Variants in BUD13 observed in about 807,000 individuals in gnomAD.
BUD13 encodes BUD13 spliceosome associated protein.
In BUD13, 47 loss-of-function variants were observed where a neutral mutation model predicts 62.5. The ratio of observed to expected loss-of-function variants is 0.75; its 90% CI spans 0.60 to 0.96. BUD13 has a LOEUF of 0.96. BUD13 is among the 40% of genes least tolerant of loss of function. BUD13 has a pLI of 0.00. For synonymous variants in BUD13, 293 were observed against 280.1 expected (o/e 1.05, Z -0.46); for missense variants, 821 against 790.9 (o/e 1.04, Z -0.46).
chr11:116,770,470 G>A (rs961386489), intron 1 of BUD13, among the ~76,000 whole-genome samples: 29 of 151,726 alleles, frequency 1.9e-4, no homozygotes, highest in Non-Finnish European at 4.1e-4. Context: ...CCTTCCCTCT[G>A]CCTGATCTAC....
At position 116,760,749 on chromosome 11, in the gene BUD13, G is replaced by A; in HGVS notation, c.1240C>T (p.Pro414Ser). ...SDLSPPRRSQ[P>S]PGKKAAHMYS... ...AAAATCCTGACCTTCTTTCCAGGAG[G>A]CTGACTCCTTCGAGGCGGGGACAGG... is the stretch of plus-strand genomic sequence containing the variant. The change falls in exon 5 of 10, where the codon CCT (proline) becomes TCT (serine). Residue 414 changes from proline (P) to serine (S), a missense_variant. This residue lies in a region of BUD13 where 800 missense variants were observed against 739.2 expected (regional missense o/e 1.08). Transcript: ENST00000260210. The A allele has an allele frequency of 1.2e-6, 2 of 1,614,128 alleles. No individual in the cohort carries two copies. Among genetic ancestry groups the A allele is most frequent in the Non-Finnish European group, 1.7e-6 (2 of 1,179,998 alleles).
chr11:116,756,003 T>G (rs1286747779), intron 9 of BUD13, among the ~76,000 whole-genome samples: 1 of 152,048 alleles, frequency 6.6e-6, no homozygotes, highest in Non-Finnish European at 1.5e-5. Context: ...AGCCCAAGAA[T>G]TCAAGACCAG....
chr11:116,748,803 T>C (rs1010683234), intron 9 of BUD13, among the ~76,000 whole-genome samples: 5 of 152,034 alleles, frequency 3.3e-5, no homozygotes, highest in South Asian at 2.1e-4. Context: ...CTGCCTAATA[T>C]GGTGAAACCC....
chr11:116,748,892 G>C (rs1335305698), intron 9 of BUD13, among the ~76,000 whole-genome samples: 1 of 149,848 alleles, frequency 6.7e-6, no homozygotes, highest in Admixed American at 6.7e-5. Context: ...GGCTGACGCA[G>C]GAGAATCGCT....
intron 9 of BUD13, among the ~76,000 whole-genome samples, chr11:116,749,528 C>G (rs1056296174): frequency 4.6e-5 from 7 of 152,034 alleles, no homozygotes; most frequent in Admixed American, 3.9e-4. Flanking sequence ...CATTTCAGAA[C>G]AGAATGAGCA....
At chr11:116,756,700 T>C (rs1940332356) in intron 9 of BUD13, among the ~76,000 whole-genome samples, 1 of 152,106 alleles carries the variant, frequency 6.6e-6, no homozygotes, top group Non-Finnish European at 1.5e-5. Context: ...GGTACAGATG[T>C]TGGTAGGTAG....
chr11:116,757,097 T>C lies in BUD13; in HGVS notation c.1766+49A>G, dbSNP rs753094676. Reference sequence around the variant, plus strand: ...AAGTGTGGAGCAACTTACGAGTGGTTAGGGAAGGTTACAGTCAGGTAGAAA... The same window carrying C: ...AAGTGTGGAGCAACTTACGAGTGGTCAGGGAAGGTTACAGTCAGGTAGAAA... On this transcript the variant is annotated intron_variant, in intron 9 of 9. Coordinates refer to ENST00000260210, the MANE Select transcript of BUD13 (RefSeq NM_032725.4). 43 of 1,553,112 alleles carry C rather than the reference T, an allele frequency of 2.8e-5. No homozygotes were observed. In the South Asian group the frequency reaches 4.7e-4, roughly 17 times the overall value.
At chr11:116,755,390 A>G (rs1356775108) in intron 9 of BUD13, among the ~76,000 whole-genome samples, 1 of 152,220 alleles carries the variant, frequency 6.6e-6, no homozygotes, top group Non-Finnish European at 1.5e-5. Flanking sequence ...TCAGCAAACC[A>G]ATATTTTACA....
rs756423847 is a variant in BUD13 at position 116,772,948 on chromosome 11, G to A, written c.17C>T (p.Pro6Leu). The change falls in exon 1 of 10, where the codon CCG (proline) becomes CTG (leucine). Residue 6 changes from proline to leucine, a missense_variant. Coordinates refer to ENST00000260210, the MANE Select transcript of BUD13 (RefSeq NM_032725.4). The stretch of plus-strand genomic sequence containing the variant: ...CTTCAGATACTCGGCCTTGGAAAGC[G>A]GCGGAGCTGCCGCCATGGCAGCGGC... MAAAP[P>L]LSKAEYLKRY... 1.3e-5 allele frequency: 20 copies of A among 1,568,402 alleles called. No individual in the cohort carries two copies. Among genetic ancestry groups the A allele is most frequent in the South Asian group, 2.3e-5 (2 of 87,134 alleles).
At chr11:116,772,456 C>G (rs994810819) in intron 1 of BUD13, among the ~76,000 whole-genome samples, 1 of 152,200 alleles carries the variant, frequency 6.6e-6, no homozygotes, top group African/African-American at 2.4e-5. Flanking sequence ...GGAATCCCCA[C>G]AGGCAGGTAC....
Position 116,763,034 on chromosome 11 carries a change from T to G in BUD13, c.555A>C (p.Ser185=). 6.2e-7 allele frequency: 1 copy of G among 1,612,330 alleles called. No individual in the cohort carries two copies. Among genetic ancestry groups the G allele is most frequent in the South Asian group, 1.1e-5 (1 of 90,982 alleles). The change falls in exon 4 of 10, where the codon TCA becomes TCC. Residue 185 remains serine, a synonymous_variant. Coordinates refer to ENST00000260210, the MANE Select transcript of BUD13 (RefSeq NM_032725.4). ...SPPRRIRHDS[S]DTSPPRRARH... is the part of the protein sequence containing the mutation. ...GGGCCCTCCTTGGGGGTGAAGTGTCTGAGGAGTCATGACGGATCCTCCTGG... is the reference window on the plus strand; with the variant it reads ...GGGCCCTCCTTGGGGGTGAAGTGTCGGAGGAGTCATGACGGATCCTCCTGG...
Position 116,759,195 on chromosome 11 carries a change from G to A in BUD13, c.1255-16C>T. 6.3e-7 allele frequency: 1 copy of A among 1,587,592 alleles called. No homozygotes were observed. The highest frequency in any genetic ancestry group is 8.7e-7 in the Non-Finnish European group (1 of 1,156,068). ...TGTGTGCAGCCTATGCAACGGAAAA[G>A]GGAGCATCCAACATTAATGAGATGA... On this transcript the variant is annotated splice_polypyrimidine_tract_variant and intron_variant, in intron 5 of 9. Transcript: ENST00000260210.
chr11:116,762,131 G>A (rs950422620), intron 4 of BUD13, among the ~76,000 whole-genome samples: 10 of 152,146 alleles, frequency 6.6e-5, no homozygotes, highest in African/African-American at 1.2e-4. Context: ...GGAAGACTAC[G>A]TTAAGAAAGG....
At chr11:116,752,606 A>T (rs186017431) in intron 9 of BUD13, among the ~76,000 whole-genome samples, 1 of 152,262 alleles carries the variant, frequency 6.6e-6, no homozygotes, top group East Asian at 1.9e-4. Flanking sequence ...CTATAAAAAG[A>T]TCTACTTCTG....
At chr11:116,758,025 C>T (rs1045235285) in intron 7 of BUD13, 75 bp from the exon 8 acceptor site, 29 of 1,555,360 alleles carry the variant, frequency 1.9e-5, no homozygotes, top group Non-Finnish European at 2.3e-5. Flanking sequence ...GACCATACTG[C>T]TAAGTTTGGA....
intron 1 of BUD13, among the ~76,000 whole-genome samples, chr11:116,772,201 G>A (rs1407938599): frequency 6.6e-6 from 1 of 152,076 alleles, no homozygotes; most frequent in East Asian, 1.9e-4. Flanking sequence ...TGTGGTTCTG[G>A]GTGGAAAACG....
At chr11:116,769,277 C>T (rs1004764906) in intron 2 of BUD13, among the ~76,000 whole-genome samples, 12 of 152,192 alleles carry the variant, frequency 7.9e-5, no homozygotes, top group Admixed American at 2.6e-4. Flanking sequence ...TATGCTACCT[C>T]CCCGGGCTCT....
Position 116,760,890 on chromosome 11 carries a change from G to T in BUD13, c.1099C>A (p.His367Asn). The T allele has an allele frequency of 6.2e-7, 1 of 1,614,080 alleles. No individual in the cohort carries two copies. Among genetic ancestry groups the T allele is most frequent in the Non-Finnish European group, 8.5e-7 (1 of 1,179,998 alleles). ...SSPRHKQSPG[H>N]QDSDSDLSPP... ...GACAGATCTGAATCAGAATCCTGGT[G>T]CCCTGGACTTTGTTTATGCCGTGGA... Residue 367 changes from histidine (H) to asparagine (N), a missense_variant, in exon 5 of 10, where the codon CAC becomes AAC. Coordinates refer to ENST00000260210, the MANE Select transcript of BUD13 (RefSeq NM_032725.4).
rs375394598 is a variant in BUD13, at chr11:116,748,454, C to T, written c.*28G>A. 3.7e-6 allele frequency: 6 copies of T among 1,605,884 alleles called. No individual in the cohort carries two copies. The African/African-American group carries it at 6.7e-5, about 18-fold the overall frequency. On this transcript the variant is annotated 3_prime_UTR_variant, in exon 10 of 10. Transcript: ENST00000260210. Reference sequence around the variant, plus strand: ...TCGCTGCCTATGCCCACTACCACAGCCCAGCCACCCCCACAGCCTCAGGAA... The same window carrying T: ...TCGCTGCCTATGCCCACTACCACAGTCCAGCCACCCCCACAGCCTCAGGAA...
Sources: gnomAD v4.1 joint callset for allele counts (sites outside exome capture counted in the v4.1 genomes callset) on GRCh38, gnomAD v4.1.1 for gene constraint, gnomAD v4.1.1 regional missense constraint, MANE v1.5 for transcripts, NCBI Gene and HGNC (gene_info 2026-07-23, HGNC 2026-07-21) for gene names.